Variants in NRN1 observed in about 807,000 individuals in gnomAD.
NRN1 encodes the protein neuritin 1.
Under a neutral mutation model 15.0 loss-of-function variants are expected in NRN1, and 4 were observed. That is an observed-to-expected ratio of 0.27 (90% confidence interval 0.13 to 0.61). NRN1 has a LOEUF of 0.61. Among genes scored for constraint, NRN1 ranks in the 20% least tolerant of loss-of-function variants. The pLI is 0.87. For synonymous variants in NRN1, 85 were observed against 79.8 expected (o/e 1.07, Z -0.35); for missense variants, 134 against 181.9 (o/e 0.74, Z 1.51).
Position 6,006,699 on chromosome 6 carries a change from T to C in NRN1, c.51A>G (p.Gln17=), listed in dbSNP as rs1582995841. 1 of 1,614,002 alleles carries C rather than the reference T, an allele frequency of 6.2e-7. No homozygotes were observed. Among genetic ancestry groups the C allele is most frequent in the East Asian group, 2.2e-5 (1 of 44,870 alleles). ...CCGGGCTGAGCGGCCACTTACCTAT[T>C]TGCACCGCGAGGATCAGTGAAATAT... ...GRYISLILAV[Q]IAYLVQAVRA... The change falls in exon 1 of 3, where the codon CAA becomes CAG. Residue 17 remains glutamine (Q), a synonymous_variant. Transcript: ENST00000244766.
At chr6:5,999,489 G>C (rs926979135) in intron 2 of NRN1, among the ~76,000 whole-genome samples, 1 of 152,256 alleles carries the variant, frequency 6.6e-6, no homozygotes, top group African/African-American at 2.4e-5. Flanking sequence ...GCCGGGAGCC[G>C]GGCCGTGCAC....
At chr6:6,000,315 C>A (rs745931605) in intron 2 of NRN1, among the ~76,000 whole-genome samples, 1 of 152,160 alleles carries the variant, frequency 6.6e-6, no homozygotes, top group African/African-American at 2.4e-5. Context: ...TTGACTGTCC[C>A]CCTTTCTTCT....
intron 1 of NRN1, among the ~76,000 whole-genome samples, chr6:6,006,417 C>T (rs1236134059): frequency 1.3e-5 from 2 of 152,090 alleles, no homozygotes; most frequent in African/African-American, 4.8e-5. Flanking sequence ...GAAAGGGAAA[C>T]AAAAATGGAT....
Position 6,003,169 on chromosome 6 carries a change from C to T in NRN1, c.56-672G>A. The T allele has an allele frequency of 2.4e-6, 3 of 1,232,736 alleles. No homozygotes were observed. The highest frequency in any genetic ancestry group is 3.0e-6 in the Non-Finnish European group (3 of 986,630). 76.4% of individuals were successfully genotyped at this position (1,232,736 alleles called of 1,614,324 possible). A position where few individuals can be genotyped will look rare whatever the true frequency, so the allele number is the denominator to read the frequency against. On this transcript the variant is annotated intron_variant, in intron 1 of 2. Transcript: ENST00000244766. ...TTTCATTATAAAACCGATTGCCTACCGTGGACTCTGTATTCCGAGTGAGAC... is the reference window on the plus strand; with the variant it reads ...TTTCATTATAAAACCGATTGCCTACTGTGGACTCTGTATTCCGAGTGAGAC...
intron 2 of NRN1, among the ~76,000 whole-genome samples, chr6:6,001,532 T>G (rs752698315): frequency 3.3e-5 from 5 of 152,208 alleles, no homozygotes; most frequent in Non-Finnish European, 5.9e-5. Context: ...AAATCACCAC[T>G]GGACCTGGCT....
chr6:5,998,124 C>A lies in NRN1; in HGVS notation c.*852G>T, dbSNP rs920967120. 6.6e-6 allele frequency: 1 copy of A among 151,438 alleles called. No homozygotes were observed. Among genetic ancestry groups the A allele is most frequent in the African/African-American group, 2.4e-5 (1 of 41,138 alleles). The allele number at this position is 151,438 out of a possible 1,614,324, so 9.4% of individuals were successfully genotyped here. ...CTCTTTTTTTTTTAAAATCAAGGCTCTTTTATGTCAAAATCTTTTTTTAGC... is the reference window on the plus strand; with the variant it reads ...CTCTTTTTTTTTTAAAATCAAGGCTATTTTATGTCAAAATCTTTTTTTAGC... On this transcript the variant is annotated 3_prime_UTR_variant, in exon 3 of 3. Coordinates refer to ENST00000244766, the MANE Select transcript of NRN1 (RefSeq NM_016588.3).
intron 1 of NRN1, among the ~76,000 whole-genome samples, chr6:6,006,099 T>C (rs916899000): frequency 6.6e-6 from 1 of 152,130 alleles, no homozygotes; most frequent in Admixed American, 6.5e-5. Flanking sequence ...TCTTCAATGG[T>C]AAGCATGTTA....
intron 1 of NRN1, chr6:6,004,146 G>A: frequency 1.7e-6 from 1 of 585,146 alleles, no homozygotes. Context: ...AAGGGACCGA[G>A]GTTAACTTCG....
intron 1 of NRN1, among the ~76,000 whole-genome samples, chr6:6,003,460 G>A (rs1758020476): frequency 6.6e-6 from 1 of 152,220 alleles, no homozygotes; most frequent in African/African-American, 2.4e-5. Flanking sequence ...CCGGACGGCA[G>A]CGGGGAGAGG....
At chr6:6,003,170 G>T in intron 1 of NRN1, 3 of 1,232,208 alleles carry the variant, frequency 2.4e-6, no homozygotes, top group East Asian at 6.3e-5. Flanking sequence ...ATTGCCTACC[G>T]TGGACTCTGT....
At chr6:6,002,593 C>T (rs896227131) in intron 1 of NRN1, 96 bp from the exon 2 acceptor site, 1 of 1,495,548 alleles carries the variant, frequency 6.7e-7, no homozygotes, top group Non-Finnish European at 9.0e-7. Context: ...GCGGCCTCAT[C>T]GCATCGGGCG....
At chr6:6,006,965 G>T (rs1256739570), upstream of NRN1, 9 of 425,104 alleles carry the variant, frequency 2.1e-5, no homozygotes, top group South Asian at 9.6e-5. Context: ...GAGGCTGAGG[G>T]GGGGGGGAGA....
chr6:6,002,605 C>G, intron 1 of NRN1, 108 bp from the exon 2 acceptor site: 1 of 1,432,994 alleles, frequency 7.0e-7, no homozygotes, highest in Non-Finnish European at 9.4e-7. Context: ...CATCGGGCGG[C>G]CTCTCCCAGC....
chr6:6,003,178 T>A, intron 1 of NRN1: 4 of 1,233,842 alleles, frequency 3.2e-6, no homozygotes, highest in Non-Finnish European at 3.0e-6. Context: ...CCGTGGACTC[T>A]GTATTCCGAG....
At chr6:6,006,960 TGAG>T (rs1463059646), upstream of NRN1, 14 of 39,776 alleles carry the variant, frequency 3.5e-4, no homozygotes, top group Middle Eastern at 8.9e-3. Flanking sequence ...AGAGAGAGGC[TGAG>T]GGGGGGGGGA....
intron 1 of NRN1, among the ~76,000 whole-genome samples, chr6:6,004,895 T>C (rs1345733172): frequency 6.6e-6 from 1 of 152,204 alleles, no homozygotes; most frequent in South Asian, 2.1e-4. Flanking sequence ...TTCTTTCGTG[T>C]TCACCACACT....
In NRN1 at chr6:5,998,677, TAATA is replaced by T. The variant is rs1356417030; in HGVS notation, c.*295_*298del. ...TTTTGCCAACAAAAAAAATTAATAATAATAAAATTAAAAAATGGGGTGGGTTTGC... is the reference window on the plus strand; with the variant it reads ...TTTTGCCAACAAAAAAAATTAATAATAAATTAAAAAATGGGGTGGGTTTGC... On this transcript the variant is annotated 3_prime_UTR_variant, in exon 3 of 3. Transcript: ENST00000244766. 1.7e-5 allele frequency: 4 copies of T among 241,612 alleles called. No homozygotes were observed. Among genetic ancestry groups the T allele is most frequent in the Non-Finnish European group, 3.2e-5 (4 of 126,476 alleles). The allele number at this position is 241,612 out of a possible 1,614,324, so 15.0% of individuals were successfully genotyped here. A position where few individuals can be genotyped will look rare whatever the true frequency, so the allele number is the denominator to read the frequency against.
intron 1 of NRN1, among the ~76,000 whole-genome samples, 176 bp downstream of exon 1, chr6:6,006,519 G>A (rs895281133): frequency 2.0e-5 from 3 of 152,202 alleles, no homozygotes; most frequent in Non-Finnish European, 4.4e-5. Context: ...TATAGCTTTA[G>A]GAAAAACCGA....
rs72811081 is a variant in NRN1, at chr6:6,001,616, G to A, written c.200+737C>T. Among the ~76,000 whole-genome samples, 1,513 of 152,302 alleles carry A rather than the reference G, an allele frequency of 9.9e-3. 26 individuals are homozygous for A. Among genetic ancestry groups the A allele is most frequent in the Non-Finnish European group, 0.012 (820 of 68,030 alleles). Reference sequence around the variant, plus strand: ...GGACGCCTTACAGATGTGCGAGGGGGCAAGGGAAACAAGGAGAGTGCCTAT... The same window carrying A: ...GGACGCCTTACAGATGTGCGAGGGGACAAGGGAAACAAGGAGAGTGCCTAT... On this transcript the variant is annotated intron_variant, in intron 2 of 2. Coordinates refer to ENST00000244766, the MANE Select transcript of NRN1 (RefSeq NM_016588.3).
Sources: allele counts gnomAD v4.1 joint callset (sites outside exome capture counted in the v4.1 genomes callset), GRCh38; gene constraint gnomAD v4.1.1; transcripts MANE v1.5; gene names NCBI Gene and HGNC (gene_info 2026-07-23, HGNC 2026-07-21).